Variants in LGR6 observed in about 807,000 individuals in gnomAD.
LGR6 encodes leucine-rich repeat-containing G protein-coupled receptor 6.
A neutral mutation model predicts 69.4 loss-of-function variants in LGR6; 45 were observed. The observed-to-expected ratio is 0.65, with a 90% CI of 0.51 to 0.83. The LOEUF is 0.83. Ranked by LOEUF, LGR6 falls within the 40% of genes least tolerant of loss-of-function variation. The probability of loss-of-function intolerance (pLI) is 0.00; values close to 1 mark genes in which losing one functional copy is unlikely to be tolerated. For missense variants in LGR6, 1,108 were observed against 1,246.7 expected, an observed-to-expected ratio of 0.89 and a Z score of 1.68; for synonymous variants, 538 against 555.0, an observed-to-expected ratio of 0.97 and a Z score of 0.43.
At chr1:202,286,976 A>T (rs1214825111) in intron 6 of LGR6, among the ~76,000 whole-genome samples, 1 of 151,404 alleles carries the variant, frequency 6.6e-6, no homozygotes, top group African/African-American at 2.4e-5. Context: ...TGTGAACTCT[A>T]CCCCCTCTGC....
At chr1:202,253,030 G>A (rs894720130) in intron 4 of LGR6, among the ~76,000 whole-genome samples, 1 of 152,224 alleles carries the variant, frequency 6.6e-6, no homozygotes, top group South Asian at 2.1e-4. Flanking sequence ...ACTCCAGACT[G>A]TGGCAGCCCA....
intron 6 of LGR6, among the ~76,000 whole-genome samples, chr1:202,294,544 C>A (rs190121637): frequency 1.8e-3 from 281 of 152,246 alleles, no homozygotes; most frequent in Non-Finnish European, 2.7e-3. Flanking sequence ...ATGTCTGGGC[C>A]CTTGGTATTG....
At chr1:202,303,004 G>C (rs705760) in intron 9 of LGR6, among the ~76,000 whole-genome samples, 68,140 of 151,984 alleles carry the variant, frequency 0.45, 17,185 homozygotes, top group East Asian at 0.7. Context: ...CTTGCATGTG[G>C]GGTTTTTGCA....
chr1:202,194,496 G>T (rs1429225789), intron 1 of LGR6: 92 of 658,222 alleles, frequency 1.4e-4, no homozygotes, highest in Non-Finnish European at 2.6e-4. Context: ...ACCCTGAGCG[G>T]GAGGGCGCGG....
intron 1 of LGR6, among the ~76,000 whole-genome samples, chr1:202,224,527 G>A (rs1042844215): frequency 2.0e-5 from 3 of 152,186 alleles, no homozygotes; most frequent in Admixed American, 6.5e-5. Context: ...CCAGTTTCAT[G>A]GAAGATAATT....
chr1:202,239,738 C>T (rs1311255783), intron 4 of LGR6, among the ~76,000 whole-genome samples: 1 of 152,030 alleles, frequency 6.6e-6, no homozygotes, highest in Non-Finnish European at 1.5e-5. Context: ...ACTCTGGAGT[C>T]GGATTGTTTG....
At chr1:202,260,635 G>A (rs143411617) in intron 4 of LGR6, among the ~76,000 whole-genome samples, 10 of 152,280 alleles carry the variant, frequency 6.6e-5, no homozygotes, top group African/African-American at 2.4e-4. Flanking sequence ...CCATTCTTGA[G>A]TTCTTCATTT....
intron 9 of LGR6, among the ~76,000 whole-genome samples, chr1:202,302,241 T>G (rs1219608866): frequency 1.3e-5 from 2 of 152,178 alleles, no homozygotes; most frequent in Non-Finnish European, 2.9e-5. Flanking sequence ...ATACTTAACT[T>G]TCACGTTCAT....
intron 1 of LGR6, among the ~76,000 whole-genome samples, chr1:202,214,876 C>T (rs897889004): frequency 1.3e-5 from 2 of 152,050 alleles, no homozygotes; most frequent in East Asian, 1.9e-4. Context: ...TTATTATATG[C>T]TCTGAACTTT....
chr1:202,228,871 G>C (rs2147966263), intron 3 of LGR6, among the ~76,000 whole-genome samples: 1 of 152,250 alleles, frequency 6.6e-6, no homozygotes, highest in South Asian at 2.1e-4. Flanking sequence ...AGCATTTGGG[G>C]CTTCCCTAAA....
rs75003694 is a variant in LGR6, at chr1:202,248,617, C to T, written c.428+12624C>T. On this transcript the variant is annotated intron_variant, in intron 4 of 17. Coordinates refer to ENST00000367278, the MANE Select transcript of LGR6 (RefSeq NM_001017403.2). Reference sequence around the variant, plus strand: ...GGTCTGGACTATGGAGAGGGAGGAGCGAGGCCCATGGTGTTTGGGGGGATG... The same window carrying T: ...GGTCTGGACTATGGAGAGGGAGGAGTGAGGCCCATGGTGTTTGGGGGGATG... Among the ~76,000 whole-genome samples the T allele has an allele frequency of 4.2e-3, 647 of 152,240 alleles. 3 individuals carry two copies. Among genetic ancestry groups the T allele is most frequent in the African/African-American group, 0.015 (621 of 41,540 alleles).
intron 1 of LGR6, among the ~76,000 whole-genome samples, chr1:202,198,012 G>A (rs992903123): frequency 2.6e-5 from 4 of 152,160 alleles, no homozygotes; most frequent in African/African-American, 7.2e-5. Flanking sequence ...GGGAGGGGCC[G>A]CTACACCAAG....
At chr1:202,304,318 G>T (rs1257221326) in intron 10 of LGR6, among the ~76,000 whole-genome samples, 1 of 152,068 alleles carries the variant, frequency 6.6e-6, no homozygotes, top group Non-Finnish European at 1.5e-5. Context: ...CTGGGCTGTG[G>T]CCCTCTCTCT....
At chr1:202,272,820 C>T (rs1416583483) in intron 4 of LGR6, among the ~76,000 whole-genome samples, 1 of 152,226 alleles carries the variant, frequency 6.6e-6, no homozygotes, top group East Asian at 1.9e-4. Flanking sequence ...TCCAAGTGCC[C>T]CCTGAGCTCA....
chr1:202,235,517 T>G (rs1034096375), intron 3 of LGR6, among the ~76,000 whole-genome samples: 2 of 152,184 alleles, frequency 1.3e-5, no homozygotes, highest in Non-Finnish European at 2.9e-5. Context: ...TAAAGAAACC[T>G]TTAGCCTTTC....
chr1:202,237,256 G>C (rs1356971484), intron 4 of LGR6, among the ~76,000 whole-genome samples: 1 of 152,158 alleles, frequency 6.6e-6, no homozygotes, highest in East Asian at 1.9e-4. Flanking sequence ...CTCACCCCTG[G>C]ACAGGGCCAG....
At position 202,235,956 on chromosome 1, in the gene LGR6, G is replaced by A. The variant is rs147299721; in HGVS notation, c.391G>A (p.Ala131Thr). The A allele has an allele frequency of 4.5e-5, 73 of 1,613,940 alleles. No individual in the cohort carries two copies. In the African/African-American group the frequency reaches 8.4e-4, roughly 19 times the overall value. ...GAACAATCAGCTGGGAGGAATCCCC[G>A]CAGAGGCGCTGTGGGAGCTGCCGAG... ...LQNNQLGGIP[A>T]EALWELPSLQ... The change falls in exon 4 of 18, where the codon GCA (alanine) becomes ACA (threonine). Residue 131 changes from alanine (A) to threonine (T), a missense_variant. Ala to Thr is a moderately conservative substitution (Grantham distance 58). Coordinates refer to ENST00000367278, the MANE Select transcript of LGR6 (RefSeq NM_001017403.2).
chr1:202,282,469 T>G (rs1666084366), intron 6 of LGR6, among the ~76,000 whole-genome samples: 1 of 152,142 alleles, frequency 6.6e-6, no homozygotes, highest in African/African-American at 2.4e-5. Context: ...TGCCAGCTGT[T>G]TGGGGGAATC....
chr1:202,241,815 C>A (rs1662233176), intron 4 of LGR6, among the ~76,000 whole-genome samples: 3 of 152,022 alleles, frequency 2.0e-5, no homozygotes, highest in African/African-American at 7.3e-5. Context: ...AACAGCCAAA[C>A]AGCCCAAACC....
Sources: gnomAD v4.1 joint callset for allele counts (sites outside exome capture counted in the v4.1 genomes callset) on GRCh38, gnomAD v4.1.1 for gene constraint, MANE v1.5 for transcripts, NCBI Gene and HGNC (gene_info 2026-07-23, HGNC 2026-07-21) for gene names.